Variants in VEPH1 observed in about 807,000 individuals in gnomAD.
The protein encoded by VEPH1 is ventricular zone-expressed PH domain-containing protein homolog 1.
A neutral mutation model predicts 85.2 loss-of-function variants in VEPH1; 80 were observed. That is an observed-to-expected ratio of 0.94 (90% CI 0.78 to 1.13). VEPH1 has a LOEUF of 1.13. Among genes scored for constraint, VEPH1 ranks in the 50% most tolerant of loss-of-function variants. The pLI is 0.00. For missense variants in VEPH1, 955 were observed against 980.5 expected, an observed-to-expected ratio of 0.97 and a Z score of 0.35; for synonymous variants, 297 against 348.0, an observed-to-expected ratio of 0.85 and a Z score of 1.63.
chr3:157,267,268 T>G (rs1441199792), intron 12 of VEPH1, among the ~76,000 whole-genome samples: 1 of 151,472 alleles, frequency 6.6e-6, no homozygotes, highest in East Asian at 2.0e-4. Context: ...GCTAAATTTT[T>G]GTATTTTTAG....
chr3:157,368,499 GT>G (rs1205353323), intron 7 of VEPH1, among the ~76,000 whole-genome samples: 1 of 151,566 alleles, frequency 6.6e-6, no homozygotes, highest in Non-Finnish European at 1.5e-5. Context: ...TTGTTTGTTT[GT>G]TTGTTTTTTG....
At chr3:157,465,156 G>A (rs1577721162) in intron 3 of VEPH1, among the ~76,000 whole-genome samples, 2 of 152,138 alleles carry the variant, frequency 1.3e-5, no homozygotes, top group African/African-American at 4.8e-5. Context: ...AAGTCAGAGG[G>A]CAGCCACGTC....
At chr3:157,283,699 A>G (rs1287417507) in intron 12 of VEPH1, among the ~76,000 whole-genome samples, 3 of 152,232 alleles carry the variant, frequency 2.0e-5, no homozygotes, top group Non-Finnish European at 4.4e-5. Flanking sequence ...ATATTTCTTG[A>G]TGTCTTTCCT....
intron 7 of VEPH1, among the ~76,000 whole-genome samples, chr3:157,366,068 TC>T (rs2108784321): frequency 6.6e-6 from 1 of 152,206 alleles, no homozygotes; most frequent in South Asian, 2.1e-4. Flanking sequence ...CCTCAAGAAA[TC>T]TAGGGGTCCC....
chr3:157,270,344 C>G (rs1015703621), intron 12 of VEPH1, among the ~76,000 whole-genome samples: 3 of 151,680 alleles, frequency 2.0e-5, no homozygotes, highest in Non-Finnish European at 4.4e-5. Flanking sequence ...CTAGGACATT[C>G]TCTACTAACA....
chr3:157,312,062 A>C (rs1720169513), intron 11 of VEPH1, among the ~76,000 whole-genome samples: 1 of 152,214 alleles, frequency 6.6e-6, no homozygotes, highest in Non-Finnish European at 1.5e-5. Context: ...TCATTTAAAA[A>C]TATTATGTTA....
chr3:157,502,819 G>C (rs1219459360), intron 1 of VEPH1, among the ~76,000 whole-genome samples: 1 of 152,172 alleles, frequency 6.6e-6, no homozygotes, highest in Non-Finnish European at 1.5e-5. Context: ...GCAACAAACA[G>C]TAATGGTGAC....
chr3:157,490,874 A>C (rs62280983), intron 2 of VEPH1, among the ~76,000 whole-genome samples: 13,118 of 152,274 alleles, frequency 0.086, 788 homozygotes, highest in Middle Eastern at 0.14. Context: ...TTAAATAATA[A>C]ATATAAACCA....
chr3:157,475,416 A>T (rs1737376776), intron 2 of VEPH1, among the ~76,000 whole-genome samples: 1 of 152,326 alleles, frequency 6.6e-6, no homozygotes, highest in South Asian at 2.1e-4. Flanking sequence ...ACCCATTTAT[A>T]TAAAGTGATA....
chr3:157,500,104 G>A (rs1739984072), intron 1 of VEPH1, among the ~76,000 whole-genome samples: 1 of 152,072 alleles, frequency 6.6e-6, no homozygotes, highest in Non-Finnish European at 1.5e-5. Flanking sequence ...AGAAATCCAC[G>A]TGGACCAGAA....
At chr3:157,457,202 T>C (rs1301321050) in intron 4 of VEPH1, among the ~76,000 whole-genome samples, 1 of 152,090 alleles carries the variant, frequency 6.6e-6, no homozygotes, top group Non-Finnish European at 1.5e-5. Context: ...TGTGTGGGAG[T>C]GCTAGTGACT....
At chr3:157,492,350 A>G (rs1739291622) in intron 2 of VEPH1, among the ~76,000 whole-genome samples, 1 of 152,196 alleles carries the variant, frequency 6.6e-6, no homozygotes, top group Admixed American at 6.5e-5. Context: ...TCGTGTTTTA[A>G]TCTAATTTAT....
chr3:157,267,687 G>A (rs1713927087), intron 12 of VEPH1, among the ~76,000 whole-genome samples: 1 of 152,152 alleles, frequency 6.6e-6, no homozygotes, highest in Non-Finnish European at 1.5e-5. Flanking sequence ...AGAATTGCTT[G>A]GGCCTGGCAG....
intron 12 of VEPH1, among the ~76,000 whole-genome samples, chr3:157,270,282 A>G (rs1314374314): frequency 1.3e-5 from 2 of 151,524 alleles, no homozygotes; most frequent in Non-Finnish European, 2.9e-5. Flanking sequence ...TTAAAAAAAA[A>G]AAGCAAAACA....
intron 6 of VEPH1, among the ~76,000 whole-genome samples, chr3:157,410,467 A>T (rs1731450269): frequency 6.6e-6 from 1 of 152,086 alleles, no homozygotes; most frequent in Non-Finnish European, 1.5e-5. Context: ...TTCTTTTTGG[A>T]AAGAGGCTGG....
intron 11 of VEPH1, among the ~76,000 whole-genome samples, chr3:157,297,528 A>T (rs1718281477): frequency 6.6e-6 from 1 of 152,188 alleles, no homozygotes; most frequent in African/African-American, 2.4e-5. Context: ...AATGATAAAG[A>T]CATGGGGGGT....
chr3:157,289,253 A>ATAATACTTAAGGGTT (rs1483713350), intron 11 of VEPH1, among the ~76,000 whole-genome samples: 1 of 152,250 alleles, frequency 6.6e-6, no homozygotes, highest in Non-Finnish European at 1.5e-5. Flanking sequence ...AGTACTTAAA[A>ATAATACTTAAGGGTT]TAATACTTAA....
chr3:157,341,141 G>C (rs1723507740), intron 9 of VEPH1, among the ~76,000 whole-genome samples: 1 of 152,200 alleles, frequency 6.6e-6, no homozygotes, highest in Admixed American at 6.5e-5. Context: ...AAGGAACACA[G>C]CTCCTCACCA....
At chr3:157,283,045 C>T (rs904760285) in intron 12 of VEPH1, among the ~76,000 whole-genome samples, 6 of 152,188 alleles carry the variant, frequency 3.9e-5, no homozygotes, top group Non-Finnish European at 1.5e-5. Context: ...AATAATTTCT[C>T]ACACATTATC....
Sources: gnomAD v4.1 joint callset for allele counts (sites outside exome capture counted in the v4.1 genomes callset) on GRCh38, gnomAD v4.1.1 for gene constraint, MANE v1.5 for transcripts, NCBI Gene and HGNC (gene_info 2026-07-23, HGNC 2026-07-21) for gene names.